Variants in TNIK observed in about 807,000 individuals in gnomAD.
The protein encoded by TNIK is TRAF2 and NCK interacting kinase, also known as TRAF2 and NCK-interacting protein kinase.
TNIK carries 49 observed loss-of-function variants against 191.3 expected under a neutral mutation model. The ratio of observed to expected loss-of-function variants is 0.26; its 90% confidence interval spans 0.20 to 0.32. The LOEUF is 0.32. Among genes scored for constraint, TNIK ranks in the 10% least tolerant of loss-of-function variants. The probability of loss-of-function intolerance (pLI) is 1.00; values close to 1 mark genes in which losing one functional copy is unlikely to be tolerated. For missense variants in TNIK, 1,155 were observed against 1,702.3 expected, an observed-to-expected ratio of 0.68 and a Z score of 5.66; for synonymous variants, 594 against 600.9, an observed-to-expected ratio of 0.99 and a Z score of 0.17.
At chr3:171,398,113 ATTCTTTTCACACCAGTCACAGT>A (rs1257924770) in intron 1 of TNIK, among the ~76,000 whole-genome samples, 1 of 152,234 alleles carries the variant, frequency 6.6e-6, no homozygotes, top group African/African-American at 2.4e-5. Flanking sequence ...CCATTTACTG[ATTCTTTTCACACCAGTCACAGT>A]AAATAGCACA....
intron 1 of TNIK, among the ~76,000 whole-genome samples, chr3:171,405,892 G>A (rs1481392101): frequency 5.9e-5 from 9 of 152,160 alleles, no homozygotes; most frequent in African/African-American, 1.7e-4. Flanking sequence ...GCCAGGTTGA[G>A]GGCAAGTAAG....
At chr3:171,443,367 G>A (rs1727075747) in intron 1 of TNIK, among the ~76,000 whole-genome samples, 1 of 152,128 alleles carries the variant, frequency 6.6e-6, no homozygotes, top group African/African-American at 2.4e-5. Flanking sequence ...AGCGTTGGAG[G>A]AATCAGATAA....
chr3:171,407,981 T>C (rs1207629632), intron 1 of TNIK, among the ~76,000 whole-genome samples: 1 of 152,104 alleles, frequency 6.6e-6, no homozygotes, highest in Admixed American at 6.5e-5. Context: ...GCACACATTC[T>C]GAGATAATAA....
chr3:171,411,250 T>A (rs1722379207), intron 1 of TNIK, among the ~76,000 whole-genome samples: 1 of 151,980 alleles, frequency 6.6e-6, no homozygotes, highest in Non-Finnish European at 1.5e-5. Context: ...CATTTTTTAA[T>A]TTTTTTGTAA....
intron 21 of TNIK, 91 bp from the exon 22 acceptor site, chr3:171,101,724 GAA>G: frequency 6.7e-6 from 8 of 1,187,484 alleles, no homozygotes; most frequent in South Asian, 1.6e-5. Context: ...TAAGCAACAA[GAA>G]AAAAAAAAGC....
intron 2 of TNIK, among the ~76,000 whole-genome samples, chr3:171,342,720 T>C (rs1711506725): frequency 6.6e-6 from 1 of 152,360 alleles, no homozygotes; most frequent in Non-Finnish European, 1.5e-5. Context: ...ACAAATCTCC[T>C]ATGCAGAAGA....
At chr3:171,192,480 C>T (rs749971015) in intron 5 of TNIK, among the ~76,000 whole-genome samples, 7 of 152,130 alleles carry the variant, frequency 4.6e-5, no homozygotes, top group African/African-American at 7.2e-5. Context: ...GGTATCATTT[C>T]GGAGAATATA....
At chr3:171,379,301 C>T (rs1717695064) in intron 1 of TNIK, among the ~76,000 whole-genome samples, 1 of 152,136 alleles carries the variant, frequency 6.6e-6, no homozygotes, top group African/African-American at 2.4e-5. Context: ...TACTAGCTTA[C>T]ATTGCATAAA....
intron 8 of TNIK, among the ~76,000 whole-genome samples, chr3:171,175,977 G>T (rs757389364): frequency 1.7e-4 from 26 of 152,200 alleles, no homozygotes; most frequent in Admixed American, 9.2e-4. Flanking sequence ...GTTATAAAAA[G>T]ATCTCATCTT....
chr3:171,143,118 T>C (rs1576947889), intron 12 of TNIK, among the ~76,000 whole-genome samples: 1 of 152,330 alleles, frequency 6.6e-6, no homozygotes, highest in Non-Finnish European at 1.5e-5. Flanking sequence ...AATAATGATC[T>C]CACTCGGATC....
intron 32 of TNIK, 194 bp from the exon 33 acceptor site, chr3:171,064,158 GTTA>G (rs377529272): frequency 3.5e-4 from 193 of 552,606 alleles, no homozygotes; most frequent in African/African-American, 3.3e-3. Context: ...TTCCTAGGTT[GTTA>G]TTATTCCTTA....
At chr3:171,237,625 C>T (rs1244022751) in intron 2 of TNIK, among the ~76,000 whole-genome samples, 1 of 152,020 alleles carries the variant, frequency 6.6e-6, no homozygotes, top group Non-Finnish European at 1.5e-5. Context: ...AACTTATATA[C>T]CTAAAACATA....
intron 7 of TNIK, among the ~76,000 whole-genome samples, chr3:171,187,817 C>T (rs1156237928): frequency 6.6e-6 from 1 of 152,158 alleles, no homozygotes; most frequent in Non-Finnish European, 1.5e-5. Flanking sequence ...AAAGTCCATG[C>T]ACCTCTGAAA....
At chr3:171,130,267 C>T (rs1729055360) in intron 15 of TNIK, among the ~76,000 whole-genome samples, 1 of 152,128 alleles carries the variant, frequency 6.6e-6, no homozygotes, top group African/African-American at 2.4e-5. Context: ...TCATACTAAC[C>T]TCACATATTT....
At chr3:171,112,780 CT>C (rs1726039394) in intron 18 of TNIK, among the ~76,000 whole-genome samples, 3 of 151,686 alleles carry the variant, frequency 2.0e-5, no homozygotes, top group South Asian at 4.2e-4. Context: ...TATTCTTATG[CT>C]GTGTAATAGC....
chr3:171,349,877 T>C (rs974172061), intron 2 of TNIK, among the ~76,000 whole-genome samples: 1 of 152,212 alleles, frequency 6.6e-6, no homozygotes, highest in African/African-American at 2.4e-5. Flanking sequence ...GGGCTTTTTT[T>C]GTATGTCTTA....
intron 23 of TNIK, among the ~76,000 whole-genome samples, chr3:171,091,376 G>C (rs143118309): frequency 1.3e-5 from 2 of 151,986 alleles, no homozygotes; most frequent in Non-Finnish European, 2.9e-5. Context: ...AGCTTCCCTG[G>C]GTCTCCAGCT....
chr3:171,339,881 C>T (rs996522634), intron 2 of TNIK, among the ~76,000 whole-genome samples: 2 of 152,182 alleles, frequency 1.3e-5, no homozygotes, highest in African/African-American at 4.8e-5. Context: ...TTTCCAGCCC[C>T]TCCCAGTCTG....
chr3:171,217,110 G>A (rs1264189088), intron 3 of TNIK, among the ~76,000 whole-genome samples: 18 of 151,992 alleles, frequency 1.2e-4, no homozygotes, highest in Admixed American at 7.9e-4. Flanking sequence ...CATGTTCACC[G>A]CAGCACTATT....
Sources: allele counts gnomAD v4.1 joint callset (sites outside exome capture counted in the v4.1 genomes callset), GRCh38; gene constraint gnomAD v4.1.1; transcripts MANE v1.5; gene names NCBI Gene and HGNC (gene_info 2026-07-23, HGNC 2026-07-21).